The following SERPINB7 variants were observed in gnomAD, a reference collection of about 807,000 sequenced individuals.
The protein encoded by SERPINB7 is serpin family B member 7, also known as serpin B7.
A neutral mutation model predicts 37.4 loss-of-function variants in SERPINB7; 31 were observed. The observed-to-expected ratio is 0.83, with a 90% CI of 0.62 to 1.12. The LOEUF is 1.12. Among genes scored for constraint, SERPINB7 ranks in the 50% most tolerant of loss-of-function variants. The pLI is 0.00. For missense variants in SERPINB7, 521 were observed against 455.3 expected (o/e 1.14, Z -1.31); for synonymous variants, 163 against 166.1 (o/e 0.98, Z 0.14).
intron 1 of SERPINB7, among the ~76,000 whole-genome samples, chr18:63,776,611 G>C (rs1311037058): frequency 6.7e-6 from 1 of 149,766 alleles, no homozygotes; most frequent in Admixed American, 6.8e-5. Flanking sequence ...ACCATGTCCT[G>C]GTATGAAGCA....
intron 4 of SERPINB7, among the ~76,000 whole-genome samples, chr18:63,795,059 T>C (rs1269857797): frequency 6.6e-6 from 1 of 152,216 alleles, no homozygotes; most frequent in Non-Finnish European, 1.5e-5. Context: ...ACTTTTTTTG[T>C]ATTAAGAACA....
Position 63,798,751 on chromosome 18 carries a change from G to A in SERPINB7, c.597+5G>A. The A allele has an allele frequency of 6.2e-7, 1 of 1,611,794 alleles. No individual in the cohort carries two copies. Among genetic ancestry groups the A allele is most frequent in the Non-Finnish European group, 8.5e-7 (1 of 1,179,208 alleles). ...TGCCATTTCAAATCTCCCAAGGTAT[G>A]TCGTCAATCTCCTATTTAATTTAGA... On this transcript the variant is annotated splice_donor_5th_base_variant and intron_variant, in intron 6 of 7. Transcript: ENST00000398019.
rs2049589892 is a variant in SERPINB7, at chr18:63,804,714, GA to G, written c.*84del. 1.1e-5 allele frequency: 15 copies of G among 1,389,182 alleles called. No homozygotes were observed. The East Asian group carries it at 3.5e-4, about 32-fold the overall frequency. The allele number at this position is 1,389,182 out of a possible 1,614,324, so 86.1% of individuals were successfully genotyped here. On this transcript the variant is annotated 3_prime_UTR_variant, in exon 8 of 8. Transcript: ENST00000398019. Reference sequence around the variant, plus strand: ...AAGTCAATAGATTTGAGTTTAATTGGAAAAATGTGGTGTTTCCTTTGAGTTT... The same window carrying G: ...AAGTCAATAGATTTGAGTTTAATTGGAAAATGTGGTGTTTCCTTTGAGTTT...
upstream of SERPINB7, among the ~76,000 whole-genome samples, chr18:63,770,947 T>A (rs1182799935): frequency 1.3e-5 from 2 of 151,484 alleles, no homozygotes; most frequent in African/African-American, 4.9e-5. Context: ...TTTATTCATC[T>A]TCGTTGGAAC....
intron 2 of SERPINB7, among the ~76,000 whole-genome samples, chr18:63,789,146 T>C (rs1045556358): frequency 2.0e-5 from 3 of 152,174 alleles, no homozygotes; most frequent in African/African-American, 4.8e-5. Flanking sequence ...TCCAATATGT[T>C]CTCAGCCTTT....
intron 5 of SERPINB7, among the ~76,000 whole-genome samples, chr18:63,798,129 A>G (rs1224780759): frequency 6.6e-6 from 1 of 152,232 alleles, no homozygotes; most frequent in African/African-American, 2.4e-5. Flanking sequence ...TGTAATTCAA[A>G]TATGCAGAAT....
chr18:63,802,514 A>G (rs2049560852), intron 7 of SERPINB7, among the ~76,000 whole-genome samples: 1 of 152,190 alleles, frequency 6.6e-6, no homozygotes. Context: ...TATAGCAAGC[A>G]TGTGAGATAG....
intron 1 of SERPINB7, among the ~76,000 whole-genome samples, chr18:63,759,028 T>C (rs73469926): frequency 0.033 from 4,981 of 152,290 alleles, 126 homozygotes; most frequent in African/African-American, 0.066. Context: ...GATAATGACC[T>C]CCTAATACGT....
intron 3 of SERPINB7, 52 bp from the exon 4 acceptor site, chr18:63,793,109 T>C: frequency 4.4e-6 from 4 of 916,874 alleles, no homozygotes; most frequent in South Asian, 1.7e-5. Flanking sequence ...AGTGAGATTA[T>C]GCATATCTTT....
upstream of SERPINB7, among the ~76,000 whole-genome samples, chr18:63,774,551 G>A (rs76335224): frequency 1.3e-5 from 2 of 151,500 alleles, no homozygotes; most frequent in Non-Finnish European, 2.9e-5. Flanking sequence ...GATGGCAAAG[G>A]TGTAGGCAAC....
chr18:63,780,565 C>T (rs1215453576), intron 1 of SERPINB7, among the ~76,000 whole-genome samples: 1 of 152,166 alleles, frequency 6.6e-6, no homozygotes, highest in African/African-American at 2.4e-5. Flanking sequence ...AGAGTTTCTC[C>T]TGTAGCTTTA....
At position 63,798,748 on chromosome 18, in the gene SERPINB7, T is replaced by C. The variant is rs763957840; in HGVS notation, c.597+2T>C. 6.2e-7 allele frequency: 1 copy of C among 1,612,272 alleles called. No individual in the cohort carries two copies. Among genetic ancestry groups the C allele is most frequent in the South Asian group, 1.1e-5 (1 of 90,564 alleles). ...AATTGCCATTTCAAATCTCCCAAGG[T>C]ATGTCGTCAATCTCCTATTTAATTT... On this transcript the variant is annotated splice_donor_variant, in intron 6 of 7. Coordinates refer to ENST00000398019, the MANE Select transcript of SERPINB7 (RefSeq NM_003784.4). LOFTEE classifies it high-confidence loss of function.
chr18:63,761,609 T>C (rs1199123471), intron 1 of SERPINB7, among the ~76,000 whole-genome samples: 1 of 152,156 alleles, frequency 6.6e-6, no homozygotes, highest in Non-Finnish European at 1.5e-5. Flanking sequence ...TTCCCACATG[T>C]TGTGGGAGGG....
At position 63,798,634 on chromosome 18, in the gene SERPINB7, G is replaced by A. The variant is rs867082915; in HGVS notation, c.485G>A (p.Gly162Asp). ...GKIKNVIGEGGISSSAVMVLV... is the reference protein window; with the variant it reads ...GKIKNVIGEGDISSSAVMVLV... ...ATCAAGAACGTGATTGGTGAAGGTG[G>A]CATAAGCTCATCTGCTGTAATGGTG... Residue 162 changes from glycine to aspartate, a missense_variant, in exon 6 of 8, where the codon GGC (glycine) becomes GAC (aspartate). By Grantham distance (94) the Gly-to-Asp change is moderately conservative (BLOSUM62 -1). Transcript: ENST00000398019. 1 of 1,596,104 alleles carries A rather than the reference G, an allele frequency of 6.3e-7. No individual in the cohort carries two copies. Among genetic ancestry groups the A allele is most frequent in the African/African-American group, 1.3e-5 (1 of 74,276 alleles).
At chr18:63,758,928 T>C (rs1239939140) in intron 1 of SERPINB7, among the ~76,000 whole-genome samples, 1 of 152,240 alleles carries the variant, frequency 6.6e-6, no homozygotes, top group Non-Finnish European at 1.5e-5. Flanking sequence ...CTTAAATGTT[T>C]AAGAAGAAAT....
At chr18:63,790,231 A>T (rs1340445065) in intron 2 of SERPINB7, among the ~76,000 whole-genome samples, 1 of 152,254 alleles carries the variant, frequency 6.6e-6, no homozygotes. Context: ...TAATATAAAA[A>T]TCCCCAAATT....
chr18:63,774,954 T>C (rs1252086770), upstream of SERPINB7, among the ~76,000 whole-genome samples: 1 of 152,094 alleles, frequency 6.6e-6, no homozygotes, highest in Non-Finnish European at 1.5e-5. Context: ...ATAAAAAACA[T>C]TGTGTGAGAT....
chr18:63,798,857 T>A, intron 6 of SERPINB7, 111 bp downstream of exon 6: 1 of 1,095,430 alleles, frequency 9.1e-7, no homozygotes, highest in Non-Finnish European at 1.3e-6. Flanking sequence ...AACCCATTTC[T>A]TCTTTTGCAT....
In SERPINB7 at chr18:63,800,093, G is replaced by A. The variant is rs73474125; in HGVS notation, c.598-773G>A. 8.5e-3 allele frequency among the ~76,000 whole-genome samples: 1,264 copies of A among 148,698 alleles called. 26 individuals carry two copies. Among genetic ancestry groups the A allele is most frequent in the African/African-American group, 0.03 (1,203 of 39,980 alleles). On this transcript the variant is annotated intron_variant, in intron 6 of 7. Coordinates refer to ENST00000398019, the MANE Select transcript of SERPINB7 (RefSeq NM_003784.4). Reference sequence around the variant, plus strand: ...TTTTTTGAGACAGGGTCTTAAGCTTGCTCAGGCTGGAGTGTAGTGGTGAAC... The same window carrying A: ...TTTTTTGAGACAGGGTCTTAAGCTTACTCAGGCTGGAGTGTAGTGGTGAAC...
Sources: allele counts gnomAD v4.1 joint callset (sites outside exome capture counted in the v4.1 genomes callset), GRCh38; gene constraint gnomAD v4.1.1; transcripts MANE v1.5; gene names NCBI Gene and HGNC (gene_info 2026-07-23, HGNC 2026-07-21).